Variants in TMEM63B observed in about 807,000 individuals in gnomAD.
The protein encoded by TMEM63B is transmembrane protein 63B, also known as mechanosensitive cation channel TMEM63B.
A neutral mutation model predicts 102.6 loss-of-function variants in TMEM63B; 23 were observed. The ratio of observed to expected loss-of-function variants is 0.22; its 90% CI spans 0.16 to 0.32. TMEM63B has a LOEUF of 0.32. TMEM63B is among the 10% of genes least tolerant of loss of function. The probability of loss-of-function intolerance (pLI) is 1.00; values close to 1 mark genes in which losing one functional copy is unlikely to be tolerated. For synonymous variants in TMEM63B, 444 were observed against 437.0 expected (o/e 1.02, Z -0.20); for missense variants, 628 against 1,095.9 (o/e 0.57, Z 6.03).
At chr6:44,130,092 A>C (rs1777978890) in intron 1 of TMEM63B, among the ~76,000 whole-genome samples, 1 of 152,252 alleles carries the variant, frequency 6.6e-6, no homozygotes, top group Non-Finnish European at 1.5e-5. Context: ...AAAGGCAAGC[A>C]GGTAGAAATA....
intron 18 of TMEM63B, among the ~76,000 whole-genome samples, chr6:44,151,476 G>T (rs1251078781): frequency 6.6e-6 from 1 of 152,078 alleles, no homozygotes; most frequent in Non-Finnish European, 1.5e-5. Flanking sequence ...GGGGTAACTC[G>T]AGTTATGGTC....
At chr6:44,135,764 C>G (rs2128227650) in intron 4 of TMEM63B, among the ~76,000 whole-genome samples, 1 of 152,332 alleles carries the variant, frequency 6.6e-6, no homozygotes, top group South Asian at 2.1e-4. Flanking sequence ...CTGCTCACCT[C>G]TTCTGGAGGC....
rs905594156 is a variant in TMEM63B at position 44,152,078 on chromosome 6, C to A, written c.1836+70C>A. ...TGGCCCAACAAGAAACAGCAGCCAT[C>A]GCGCTAGGGTTGAGGGGCACAGGAG... is the stretch of plus-strand genomic sequence containing the variant. On this transcript the variant is annotated intron_variant, in intron 19 of 23. Coordinates refer to ENST00000323267, the MANE Select transcript of TMEM63B (RefSeq NM_018426.3). The surrounding 1 kb of genome is among the most constrained non-coding windows in gnomAD (Gnocchi z 6.4). 4.6e-6 allele frequency: 7 copies of A among 1,508,466 alleles called. No homozygotes were observed. The highest frequency in any genetic ancestry group is 6.2e-6 in the Non-Finnish European group (7 of 1,129,814). The allele number at this position is 1,508,466 out of a possible 1,614,324, so 93.4% of individuals were successfully genotyped here.
chr6:44,146,215 C>A (rs74689629), intron 10 of TMEM63B, among the ~76,000 whole-genome samples: 1 of 152,200 alleles, frequency 6.6e-6, no homozygotes, highest in East Asian at 1.9e-4. Flanking sequence ...TTTTTTCAAC[C>A]TAAAGGTCAC....
chr6:44,137,529 G>C (rs1009963841), intron 5 of TMEM63B, among the ~76,000 whole-genome samples: 1 of 152,152 alleles, frequency 6.6e-6, no homozygotes, highest in Non-Finnish European at 1.5e-5. Context: ...GCAACAGGTA[G>C]CATGGTCCTG....
chr6:44,148,479 G>A lies in TMEM63B; in HGVS notation c.1122-34G>A, dbSNP rs1443957042. 1 of 1,612,848 alleles carries A rather than the reference G, an allele frequency of 6.2e-7. No individual in the cohort carries two copies. The highest frequency in any genetic ancestry group is 8.5e-7 in the Non-Finnish European group (1 of 1,179,084). ...CTTCTGCCAGCAGTGTGGCCTCCAG[G>A]TGGGCCTGTGGTAACCAGTGCCCAT... On this transcript the variant is annotated intron_variant, in intron 13 of 23. Coordinates refer to ENST00000323267, the MANE Select transcript of TMEM63B (RefSeq NM_018426.3). This position sits in a 1 kb window ranked among gnomAD's most constrained non-coding sequence, Gnocchi z 5.1.
In TMEM63B at chr6:44,150,072, C is replaced by A; in HGVS notation, c.1520+107C>A. ...AGGCTCCTGGCCCTGGGCAGTCCCACAGCTGGTAGGGAAGGGGTAGTGCCC... is the reference window on the plus strand; with the variant it reads ...AGGCTCCTGGCCCTGGGCAGTCCCAAAGCTGGTAGGGAAGGGGTAGTGCCC... On this transcript the variant is annotated intron_variant, in intron 16 of 23. Transcript: ENST00000323267. This position sits in a 1 kb window ranked among gnomAD's most constrained non-coding sequence, Gnocchi z 4.7. 7.4e-7 allele frequency: 1 copy of A among 1,355,990 alleles called. No homozygotes were observed. The highest frequency in any genetic ancestry group is 1.0e-6 in the Non-Finnish European group (1 of 973,512). 84.0% of individuals were successfully genotyped at this position (1,355,990 alleles called of 1,614,324 possible).
chr6:44,128,396 C>T (rs771013261), intron 1 of TMEM63B, among the ~76,000 whole-genome samples: 3 of 152,222 alleles, frequency 2.0e-5, no homozygotes, highest in African/African-American at 7.2e-5. Context: ...GACGCGAAAC[C>T]GAGAGTGGGG....
chr6:44,129,596 G>A (rs1777898756), intron 1 of TMEM63B, among the ~76,000 whole-genome samples: 1 of 152,144 alleles, frequency 6.6e-6, no homozygotes, highest in Admixed American at 6.5e-5. Flanking sequence ...CAAAGAGTGA[G>A]AATATTCCCT....
intron 5 of TMEM63B, among the ~76,000 whole-genome samples, chr6:44,137,428 T>A (rs945347986): frequency 6.6e-6 from 1 of 152,200 alleles, no homozygotes; most frequent in Non-Finnish European, 1.5e-5. Flanking sequence ...GGCCTTCAGC[T>A]TCCTGAGTTG....
In TMEM63B at chr6:44,153,867, C is replaced by CCCG. The variant is rs1554127503; in HGVS notation, c.2110+24_2110+25insCCG. On this transcript the variant is annotated intron_variant, in intron 21 of 23. Coordinates refer to ENST00000323267, the MANE Select transcript of TMEM63B (RefSeq NM_018426.3). ...GGGTGAGGGATCCCTACCCAGGGAACGGGGGGTGGCGAGCAGAGTGGATTC... is the reference window on the plus strand; with the variant it reads ...GGGTGAGGGATCCCTACCCAGGGAACCCGGGGGGGTGGCGAGCAGAGTGGATTC... 3 of 1,604,724 alleles carry CCCG rather than the reference C, an allele frequency of 1.9e-6. No homozygotes were observed. In the South Asian group the frequency reaches 3.3e-5, roughly 18 times the overall value.
intron 10 of TMEM63B, among the ~76,000 whole-genome samples, chr6:44,145,236 C>G (rs1456859396): frequency 6.8e-6 from 1 of 147,250 alleles, no homozygotes; most frequent in African/African-American, 2.5e-5. Flanking sequence ...GATTGCACCA[C>G]TGCACTCCAG....
At chr6:44,154,552 C>A in intron 23 of TMEM63B, 107 bp downstream of exon 23, 1 of 1,504,086 alleles carries the variant, frequency 6.6e-7, no homozygotes. Context: ...CCCATGGGGG[C>A]GGGAAGAGAG....
chr6:44,140,001 T>C (rs1237359298), intron 8 of TMEM63B, among the ~76,000 whole-genome samples: 1 of 151,994 alleles, frequency 6.6e-6, no homozygotes, highest in African/African-American at 2.4e-5. Flanking sequence ...GCTGGGGCAG[T>C]TGGAGACACT....
At chr6:44,140,596 G>A in intron 9 of TMEM63B, 2 of 633,070 alleles carry the variant, frequency 3.2e-6, no homozygotes, top group East Asian at 5.9e-5. Context: ...AGAAACAGCC[G>A]TGCTGTGCCC....
intron 4 of TMEM63B, among the ~76,000 whole-genome samples, chr6:44,135,621 A>G (rs554406996): frequency 1.3e-5 from 2 of 152,144 alleles, no homozygotes; most frequent in Non-Finnish European, 2.9e-5. Context: ...GCCCCTGCCT[A>G]TGCAGCCCTT....
rs1766420517 is a variant in TMEM63B, at chr6:44,150,712, G to A, written c.1673+83G>A. ...GAGACATTGCCAGCCCCATGGGAGGGTGCAACAAAGCTTCCAACTCCTGGA... is the reference window on the plus strand; with the variant it reads ...GAGACATTGCCAGCCCCATGGGAGGATGCAACAAAGCTTCCAACTCCTGGA... On this transcript the variant is annotated intron_variant, in intron 18 of 23. Transcript: ENST00000323267. This position sits in a 1 kb window ranked among gnomAD's most constrained non-coding sequence, Gnocchi z 4.7. 2.1e-6 allele frequency: 3 copies of A among 1,412,302 alleles called. No homozygotes were observed. The highest frequency in any genetic ancestry group is 2.3e-5 in the East Asian group (1 of 42,846). The allele number at this position is 1,412,302 out of a possible 1,614,324, so 87.5% of individuals were successfully genotyped here.
intron 10 of TMEM63B, among the ~76,000 whole-genome samples, chr6:44,143,212 G>C (rs76665163): frequency 0.016 from 2,455 of 152,290 alleles, 27 homozygotes; most frequent in Middle Eastern, 0.058. Flanking sequence ...ACTGGTGTGT[G>C]ATCAGCATTA....
At position 44,150,369 on chromosome 6, in the gene TMEM63B, A is replaced by G; in HGVS notation, c.1607+59A>G. Reference sequence around the variant, plus strand: ...AGGGGGACAGCAGGATAGGGAGAGGAGAGCAGTTCAGCCTCCCTACCTCCC... The same window carrying G: ...AGGGGGACAGCAGGATAGGGAGAGGGGAGCAGTTCAGCCTCCCTACCTCCC... On this transcript the variant is annotated intron_variant, in intron 17 of 23. Transcript: ENST00000323267. The surrounding 1 kb of genome is among the most constrained non-coding windows in gnomAD (Gnocchi z 4.7). 6.4e-7 allele frequency: 1 copy of G among 1,553,264 alleles called. No homozygotes were observed. The highest frequency in any genetic ancestry group is 8.9e-7 in the Non-Finnish European group (1 of 1,125,282).
Sources: gnomAD v4.1 joint callset for allele counts (sites outside exome capture counted in the v4.1 genomes callset) on GRCh38, gnomAD v4.1.1 for gene constraint, Gnocchi (gnomAD v3.1) non-coding constraint, MANE v1.5 for transcripts, NCBI Gene and HGNC (gene_info 2026-07-23, HGNC 2026-07-21) for gene names.